MRPS2: variants seen among roughly 807,000 people sequenced by gnomAD.
The protein encoded by MRPS2 is mitochondrial ribosomal protein S2.
A neutral mutation model predicts 18.9 loss-of-function variants in MRPS2; 13 were observed. The observed-to-expected ratio is 0.69, with a 90% CI of 0.45 to 1.09. The LOEUF is 1.09. Ranked by LOEUF, MRPS2 falls within the 50% of genes least tolerant of loss-of-function variation. The probability of loss-of-function intolerance (pLI) is 0.00; values close to 1 mark genes in which losing one functional copy is unlikely to be tolerated. For missense variants in MRPS2, 389 were observed against 421.7 expected, an observed-to-expected ratio of 0.92 and a Z score of 0.68; for synonymous variants, 186 against 178.4, an observed-to-expected ratio of 1.04 and a Z score of -0.34.
chr9:135,500,003 C>T (rs1002053474), upstream of MRPS2: 1 of 895,856 alleles, frequency 1.1e-6, no homozygotes, highest in Non-Finnish European at 1.6e-6. Flanking sequence ...GGCGACTCCC[C>T]AAGGGCCGGG....
rs540210135 is a variant in MRPS2, at chr9:135,501,213, C to G, written c.169+90C>G. 2.1e-6 allele frequency: 3 copies of G among 1,457,748 alleles called. No homozygotes were observed. In the Admixed American group the frequency reaches 7.3e-5, roughly 36 times the overall value. 90.3% of individuals were successfully genotyped at this position (1,457,748 alleles called of 1,614,324 possible). On this transcript the variant is annotated intron_variant, in intron 2 of 3. Coordinates refer to ENST00000241600, the MANE Select transcript of MRPS2 (RefSeq NM_016034.5). The stretch of plus-strand genomic sequence containing the variant: ...GAACCCTAGAGGGGCCTGGGCGCTG[C>G]ACGCGGTCGAAACTGCGCGCTCCGC...
At chr9:135,501,464 C>T (rs943337075) in intron 2 of MRPS2, 2 of 939,888 alleles carry the variant, frequency 2.1e-6, no homozygotes, top group Non-Finnish European at 2.8e-6. Flanking sequence ...TGGAGTCTGC[C>T]CACCTTGCTG....
intron 3 of MRPS2, chr9:135,502,285 G>A (rs907867181): frequency 8.6e-7 from 1 of 1,165,462 alleles, no homozygotes; most frequent in African/African-American, 1.6e-5. Flanking sequence ...CCCCGGATCG[G>A]GCTGGGCCTT....
chr9:135,500,011 G>A, upstream of MRPS2: 1 of 808,672 alleles, frequency 1.2e-6, no homozygotes, highest in Non-Finnish European at 1.8e-6. Flanking sequence ...CCCAAGGGCC[G>A]GGAAGGTCGG....
chr9:135,500,300 A>C (rs993289310), upstream of MRPS2: 8 of 286,854 alleles, frequency 2.8e-5, no homozygotes, highest in Non-Finnish European at 5.1e-5. Context: ...AACTTTATGA[A>C]ATTCTCCTAA....
At position 135,501,945 on chromosome 9, in the gene MRPS2, CT is replaced by C. The variant is rs1831155278; in HGVS notation, c.272del (p.Leu91ArgfsTer39). On this transcript the variant is annotated frameshift_variant, in exon 3 of 4. Transcript: ENST00000241600. LOFTEE classifies it high-confidence loss of function. Reference protein sequence around the residue: ...VRSLFDARVHLGHKAGCRHRF... With the variant: ...VRSLFDARVHXGHKAGCRHRF... ...AAGCCTCTTCGATGCCCGAGTCCAT[CT>C]GGGACACAAAGCTGGCTGTCGGCAC... 1.2e-6 allele frequency: 2 copies of C among 1,613,600 alleles called. No individual in the cohort carries two copies. The highest frequency in any genetic ancestry group is 2.7e-5 in the African/African-American group (2 of 74,940).
In MRPS2 at chr9:135,504,269, C is replaced by A; in HGVS notation, c.*136C>A. 1.2e-6 allele frequency: 1 copy of A among 845,420 alleles called. No homozygotes were observed. Among genetic ancestry groups the A allele is most frequent in the Non-Finnish European group, 1.8e-6 (1 of 559,966 alleles). 52.4% of individuals were successfully genotyped at this position (845,420 alleles called of 1,614,324 possible). On this transcript the variant is annotated 3_prime_UTR_variant, in exon 4 of 4. Coordinates refer to ENST00000241600, the MANE Select transcript of MRPS2 (RefSeq NM_016034.5). The surrounding 1 kb of genome is among the most constrained non-coding windows in gnomAD (Gnocchi z 4.3). ...TGTCACAGTGCAGACATCCACCGTT[C>A]CACCACAGAACCAGTGGCTGAGCGG...
At chr9:135,501,807 G>A (rs1437964398) in intron 2 of MRPS2, 37 bp from the exon 3 acceptor site, 2 of 1,609,850 alleles carry the variant, frequency 1.2e-6, no homozygotes, top group East Asian at 2.2e-5. Flanking sequence ...GCTGCCACCG[G>A]TGGGAGACGC....
upstream of MRPS2, chr9:135,500,581 C>A: frequency 9.4e-7 from 1 of 1,068,754 alleles, no homozygotes; most frequent in Non-Finnish European, 1.2e-6. Flanking sequence ...GAGGTCCCAG[C>A]CGCCTGGGGA....
upstream of MRPS2, chr9:135,500,387 G>A: frequency 2.6e-6 from 1 of 385,260 alleles, no homozygotes; most frequent in South Asian, 9.9e-5. Context: ...AGCTCACTTG[G>A]CGGGAGGCGA....
intron 2 of MRPS2, 74 bp from the exon 3 acceptor site, chr9:135,501,770 G>A (rs1588368172): frequency 3.8e-6 from 6 of 1,580,804 alleles, no homozygotes; most frequent in Non-Finnish European, 5.2e-6. Context: ...AGCAGGGGTG[G>A]GCGGGAACTG....
rs1465661364 is a variant in MRPS2, at chr9:135,503,529, G to A, written c.300-13G>A. On this transcript the variant is annotated splice_polypyrimidine_tract_variant and intron_variant, in intron 3 of 3. Coordinates refer to ENST00000241600, the MANE Select transcript of MRPS2 (RefSeq NM_016034.5). ...AACTCTCATCCCCCTTGCCTTGGTG[G>A]GGTCTCTGGCAGGTTTATGGAGCCG... 6.2e-7 allele frequency: 1 copy of A among 1,607,532 alleles called. No individual in the cohort carries two copies.
chr9:135,503,209 C>T, intron 3 of MRPS2: 1 of 1,132,820 alleles, frequency 8.8e-7, no homozygotes, highest in African/African-American at 1.6e-5. Context: ...ACGGAGGCGG[C>T]TGCCCTGTGA....
At chr9:135,502,312 A>G (rs1370024215) in intron 3 of MRPS2, 4 of 1,061,358 alleles carry the variant, frequency 3.8e-6, no homozygotes, top group East Asian at 1.8e-4. Context: ...TGCGGGGAGG[A>G]GGAATGACTG....
chr9:135,502,365 G>GGT, intron 3 of MRPS2: 1 of 709,086 alleles, frequency 1.4e-6, no homozygotes, highest in Non-Finnish European at 1.8e-6. Flanking sequence ...TGTGGGGGGA[G>GGT]GGGATGGGAG....
chr9:135,504,474 G>T lies in MRPS2; in HGVS notation c.*341G>T, dbSNP rs759325118. On this transcript the variant is annotated 3_prime_UTR_variant, in exon 4 of 4. Coordinates refer to ENST00000241600, the MANE Select transcript of MRPS2 (RefSeq NM_016034.5). The surrounding 1 kb of genome is among the most constrained non-coding windows in gnomAD (Gnocchi z 4.3). ...CCCTTCACCGTGACCCCTGACCTTT[G>T]TCAGGAAGGTGCAGTTTTTCTTCTC... The T allele has an allele frequency of 4.3e-4, 121 of 279,676 alleles. No individual in the cohort carries two copies. The highest frequency in any genetic ancestry group is 7.0e-4 in the Non-Finnish European group (105 of 149,856). 17.3% of individuals were successfully genotyped at this position (279,676 alleles called of 1,614,324 possible). A position where few individuals can be genotyped will look rare whatever the true frequency, so the allele number is the denominator to read the frequency against.
chr9:135,502,261 T>C, intron 3 of MRPS2: 1 of 1,220,418 alleles, frequency 8.2e-7, no homozygotes. Flanking sequence ...GGGCAGAACC[T>C]GTAAGGTTGG....
rs1040667205 is a variant in MRPS2 at position 135,500,753 on chromosome 9, G to C, written c.43G>C (p.Gly15Arg). 1 of 1,479,440 alleles carries C rather than the reference G, an allele frequency of 6.8e-7. No individual in the cohort carries two copies. The highest frequency in any genetic ancestry group is 1.4e-5 in the African/African-American group (1 of 69,368). 91.6% of individuals were successfully genotyped at this position (1,479,440 alleles called of 1,614,324 possible). A position where few individuals can be genotyped will look rare whatever the true frequency, so the allele number is the denominator to read the frequency against. The change falls in exon 1 of 4, where the codon GGT (glycine) becomes CGT (arginine). Residue 15 changes from glycine to arginine, a missense_variant and splice_region_variant. Coordinates refer to ENST00000241600, the MANE Select transcript of MRPS2 (RefSeq NM_016034.5). Reference protein sequence around the residue: ...SAALPRILGAGARAPSRWLGF... With the variant: ...SAALPRILGARARAPSRWLGF... ...CGCGCTGCCCCGAATACTCGGCGCG[G>C]GTGAGCGCGCGCTTGCGGGACCCTG...
chr9:135,500,650 G>A (rs1370150243), upstream of MRPS2: 6 of 1,398,240 alleles, frequency 4.3e-6, no homozygotes, highest in Admixed American at 3.4e-5. Context: ...GGATGGCGAC[G>A]GAAGGGGAGG....
Sources: allele counts gnomAD v4.1 joint callset, GRCh38; gene constraint gnomAD v4.1.1; non-coding constraint Gnocchi (gnomAD v3.1); transcripts MANE v1.5; gene names NCBI Gene and HGNC (gene_info 2026-07-23, HGNC 2026-07-21).